PLEKHG1: variants seen among roughly 807,000 people sequenced by gnomAD.
PLEKHG1 encodes pleckstrin homology and RhoGEF domain containing G1.
In PLEKHG1, 44 loss-of-function variants were observed where a neutral mutation model predicts 100.8. The observed-to-expected ratio is 0.44, with a 90% CI of 0.34 to 0.56. The LOEUF (loss-of-function observed/expected upper bound fraction) is 0.56. Among genes scored for constraint, PLEKHG1 ranks in the 20% least tolerant of loss-of-function variants. PLEKHG1 has a pLI of 0.01. For missense variants in PLEKHG1, 1,545 were observed against 1,720.9 expected, an observed-to-expected ratio of 0.90 and a Z score of 1.81; for synonymous variants, 640 against 662.5, an observed-to-expected ratio of 0.97 and a Z score of 0.52.
chr6:150,601,361 G>A (rs547549129), intron 1 of PLEKHG1, among the ~76,000 whole-genome samples: 45 of 152,336 alleles, frequency 3.0e-4, no homozygotes, highest in Non-Finnish European at 5.1e-4. Context: ...CCCTGGGCAA[G>A]ATACTTGCCT....
At chr6:150,626,567 A>AT (rs1777521615) in intron 1 of PLEKHG1, among the ~76,000 whole-genome samples, 1 of 151,972 alleles carries the variant, frequency 6.6e-6, no homozygotes, top group Non-Finnish European at 1.5e-5. Flanking sequence ...GTTAATTCAC[A>AT]TTTTCTGATG....
intron 1 of PLEKHG1, among the ~76,000 whole-genome samples, chr6:150,628,577 C>CACACACACACACACACACACACATA (rs3046186): frequency 3.4e-5 from 5 of 147,310 alleles, no homozygotes; most frequent in African/African-American, 7.6e-5. Flanking sequence ...CACACACACA[C>CACACACACACACACACACACACATA]CCCGTCCTTG....
chr6:150,616,012 G>T (rs138146304), intron 1 of PLEKHG1, among the ~76,000 whole-genome samples: 1 of 152,302 alleles, frequency 6.6e-6, no homozygotes, highest in East Asian at 1.9e-4. Flanking sequence ...ACTGAGGCAA[G>T]CAAAAGATGA....
chr6:150,808,625 C>T (rs1200152580), intron 7 of PLEKHG1, among the ~76,000 whole-genome samples: 1 of 152,142 alleles, frequency 6.6e-6, no homozygotes, highest in Non-Finnish European at 1.5e-5. Flanking sequence ...TGGTGATGGG[C>T]ACCTGTAATC....
intron 6 of PLEKHG1, among the ~76,000 whole-genome samples, chr6:150,802,690 T>G (rs1191370719): frequency 1.3e-5 from 2 of 149,172 alleles, no homozygotes; most frequent in African/African-American, 2.5e-5. Context: ...GAGATGGAGT[T>G]TCACTCTGTT....
intron 3 of PLEKHG1, among the ~76,000 whole-genome samples, chr6:150,784,584 A>G (rs1785497062): frequency 6.6e-6 from 1 of 152,210 alleles, no homozygotes. Context: ...AAAGGCTATC[A>G]TTAGGATGGT....
intron 7 of PLEKHG1, among the ~76,000 whole-genome samples, chr6:150,805,213 G>A (rs1355001635): frequency 6.6e-6 from 1 of 152,076 alleles, no homozygotes; most frequent in Admixed American, 6.6e-5. Context: ...GGGATTACAG[G>A]CATGAGCCAC....
In PLEKHG1 at chr6:150,737,024, C is replaced by G. The variant is rs184227967; in HGVS notation, c.411+2932C>G. On this transcript the variant is annotated intron_variant, in intron 2 of 15. Transcript: ENST00000358517. ...CCCAGGCAGGAAGAGCTAGATGCTCCTCTGTTCCAGAAGTCACTAGAATGC... is the reference window on the plus strand; with the variant it reads ...CCCAGGCAGGAAGAGCTAGATGCTCGTCTGTTCCAGAAGTCACTAGAATGC... 3.7e-4 allele frequency among the ~76,000 whole-genome samples: 56 copies of G among 152,266 alleles called. No individual in the cohort carries two copies. In the East Asian group the frequency reaches 7.4e-3, roughly 20 times the overall value.
In PLEKHG1 at chr6:150,631,424, C is replaced by T. The variant is rs946865785; in HGVS notation, c.-203-6656C>T. 2.0e-5 allele frequency among the ~76,000 whole-genome samples: 3 copies of T among 152,210 alleles called. No homozygotes were observed. In the East Asian group the frequency reaches 5.8e-4, roughly 29 times the overall value. On this transcript the variant is annotated intron_variant, in intron 1 of 3. Transcript: ENST00000367326. The stretch of plus-strand genomic sequence containing the variant: ...GGGTGCTGCTGTCCTTTGGGGGACA[C>T]CCCATCCCCTACACACAGGGAGTAT...
chr6:150,690,502 C>G (rs1780314719), intron 3 of PLEKHG1, among the ~76,000 whole-genome samples: 1 of 152,144 alleles, frequency 6.6e-6, no homozygotes, highest in Admixed American at 6.5e-5. Flanking sequence ...GTTTTCACCT[C>G]CAAATATCAA....
chr6:150,775,889 A>G (rs1024416169), intron 3 of PLEKHG1, among the ~76,000 whole-genome samples: 24 of 152,024 alleles, frequency 1.6e-4, no homozygotes, highest in African/African-American at 5.8e-4. Flanking sequence ...CAGTGCCTGG[A>G]AAGTATGAGT....
At chr6:150,621,490 T>C (rs1777299551) in intron 1 of PLEKHG1, among the ~76,000 whole-genome samples, 1 of 151,924 alleles carries the variant, frequency 6.6e-6, no homozygotes, top group Admixed American at 6.6e-5. Flanking sequence ...TTCTCCTGCC[T>C]CAGCTTCCCG....
At chr6:150,748,770 C>A (rs1015571724) in intron 2 of PLEKHG1, among the ~76,000 whole-genome samples, 1 of 151,750 alleles carries the variant, frequency 6.6e-6, no homozygotes, top group Non-Finnish European at 1.5e-5. Context: ...TACAGACGCA[C>A]CCCCACCATG....
intron 2 of PLEKHG1, among the ~76,000 whole-genome samples, chr6:150,768,042 A>G (rs1206780638): frequency 6.6e-6 from 1 of 152,218 alleles, no homozygotes; most frequent in Non-Finnish European, 1.5e-5. Context: ...AATCCACAGC[A>G]GATCTGTTTG....
chr6:150,680,460 C>A (rs533732968), intron 3 of PLEKHG1, among the ~76,000 whole-genome samples: 2 of 152,274 alleles, frequency 1.3e-5, no homozygotes, highest in South Asian at 4.2e-4. Context: ...AATCTCAAAG[C>A]TGAGCTATCA....
At chr6:150,781,842 G>A (rs1186844322) in intron 3 of PLEKHG1, among the ~76,000 whole-genome samples, 1 of 151,092 alleles carries the variant, frequency 6.6e-6, no homozygotes, top group Non-Finnish European at 1.5e-5. Context: ...CCCGATCTCG[G>A]CTCACTGCAA....
rs983447434 is a variant in PLEKHG1, at chr6:150,807,040, G to A, written c.913-2065G>A. Reference sequence around the variant, plus strand: ...CAGTAGCTGGCTTGGTTATCAGATCGACTGTCATGTTTCTCAATGCTTGTG... The same window carrying A: ...CAGTAGCTGGCTTGGTTATCAGATCAACTGTCATGTTTCTCAATGCTTGTG... On this transcript the variant is annotated intron_variant, in intron 7 of 15. Coordinates refer to ENST00000358517, the Ensembl canonical transcript of PLEKHG1. Among the ~76,000 whole-genome samples, 5 of 152,038 alleles carry A rather than the reference G, an allele frequency of 3.3e-5. No homozygotes were observed. In the South Asian group the frequency reaches 6.2e-4, roughly 19 times the overall value.
At chr6:150,621,883 C>T (rs2128557464) in intron 1 of PLEKHG1, among the ~76,000 whole-genome samples, 1 of 152,290 alleles carries the variant, frequency 6.6e-6, no homozygotes, top group South Asian at 2.1e-4. Context: ...GCTAAGGTAA[C>T]ATCTTATGAC....
intron 3 of PLEKHG1, among the ~76,000 whole-genome samples, chr6:150,662,281 T>C (rs1779223602): frequency 6.6e-6 from 1 of 152,168 alleles, no homozygotes; most frequent in Non-Finnish European, 1.5e-5. Flanking sequence ...TTGAGGAACA[T>C]GTTGAGCTAA....
Sources: allele counts gnomAD v4.1 joint callset (sites outside exome capture counted in the v4.1 genomes callset), GRCh38; gene constraint gnomAD v4.1.1; transcripts MANE v1.5; gene names NCBI Gene and HGNC (gene_info 2026-07-23, HGNC 2026-07-21).